The following PRKN variants were observed in gnomAD, a reference collection of about 807,000 sequenced individuals.
PRKN encodes the protein E3 ubiquitin-protein ligase parkin.
In PRKN, 56 loss-of-function variants were observed where a neutral mutation model predicts 59.5. That is an observed-to-expected ratio of 0.94 (90% CI 0.76 to 1.18). The LOEUF (loss-of-function observed/expected upper bound fraction) is 1.18. Among genes scored for constraint, PRKN ranks in the 50% most tolerant of loss-of-function variants. The pLI is 0.00. For synonymous variants in PRKN, 250 were observed against 222.1 expected (o/e 1.13, Z -1.12); for missense variants, 657 against 596.4 (o/e 1.10, Z -1.06).
intron 1 of PRKN, among the ~76,000 whole-genome samples, chr6:162,714,194 A>T (rs1012609736): frequency 5.3e-5 from 8 of 152,178 alleles, no homozygotes; most frequent in Non-Finnish European, 1.0e-4. Context: ...TGCTTACCGT[A>T]AACAGACGCA....
intron 1 of PRKN, among the ~76,000 whole-genome samples, chr6:162,579,306 A>ACT (rs1284599499): frequency 6.6e-6 from 1 of 151,714 alleles, no homozygotes; most frequent in Non-Finnish European, 1.5e-5. Context: ...CAGACCCAAT[A>ACT]CTCCTTCAAG....
intron 4 of PRKN, among the ~76,000 whole-genome samples, chr6:162,054,821 A>G (rs1777791228): frequency 6.6e-6 from 1 of 152,230 alleles, no homozygotes; most frequent in South Asian, 2.1e-4. Context: ...GCAAACCAGT[A>G]AAAAGCATCA....
At position 161,473,470 on chromosome 6, in the gene PRKN, C is replaced by A. The variant is rs923073610; in HGVS notation, c.1083+75384G>T. Reference sequence around the variant, plus strand: ...GGACATTATGCTAAGTGAACTGAGCCAGACACAGGAAAAAGTACTGCATGA... The same window carrying A: ...GGACATTATGCTAAGTGAACTGAGCAAGACACAGGAAAAAGTACTGCATGA... On this transcript the variant is annotated intron_variant, in intron 9 of 11. Coordinates refer to ENST00000366898, the MANE Select transcript of PRKN (RefSeq NM_004562.3). The surrounding 1 kb of genome is among the most constrained non-coding windows in gnomAD (Gnocchi z 4.1). Among the ~76,000 whole-genome samples the A allele has an allele frequency of 4.6e-4, 70 of 151,298 alleles. 1 individual carries two copies. The highest frequency in any genetic ancestry group is 4.4e-5 in the Non-Finnish European group (3 of 67,874).
chr6:161,693,429 G>C (rs1785886460), intron 7 of PRKN, among the ~76,000 whole-genome samples: 1 of 152,200 alleles, frequency 6.6e-6, no homozygotes, highest in African/African-American at 2.4e-5. Context: ...ACCAAGGAAT[G>C]AAAGTTGGCA....
chr6:162,294,706 G>C (rs1185255545), intron 2 of PRKN, among the ~76,000 whole-genome samples: 1 of 151,390 alleles, frequency 6.6e-6, no homozygotes, highest in Non-Finnish European at 1.5e-5. Flanking sequence ...TGCTGAAGAA[G>C]ATTAAGAAGA....
chr6:162,005,651 G>A (rs894701906), intron 5 of PRKN, among the ~76,000 whole-genome samples: 1 of 152,066 alleles, frequency 6.6e-6, no homozygotes, highest in Non-Finnish European at 1.5e-5. Flanking sequence ...TCGGGCTAGA[G>A]AGAAAAAAGC....
In PRKN at chr6:161,874,091, A is replaced by G. The variant is rs1258851380; in HGVS notation, c.735-88183T>C. Among the ~76,000 whole-genome samples, 45 of 58,550 alleles carry G rather than the reference A, an allele frequency of 7.7e-4. 8 individuals are homozygous for G. Among genetic ancestry groups the G allele is most frequent in the African/African-American group, 2.5e-3 (45 of 18,252 alleles). The allele number at this position is 58,550 out of a possible 152,430, so 38.4% of individuals were successfully genotyped here. On this transcript the variant is annotated intron_variant, in intron 6 of 11. Coordinates refer to ENST00000366898, the MANE Select transcript of PRKN (RefSeq NM_004562.3). Reference sequence around the variant, plus strand: ...ATATATATTATATGTAAAATATAATATATAATATATATTATATGTAAAATA... The same window carrying G: ...ATATATATTATATGTAAAATATAATGTATAATATATATTATATGTAAAATA...
At chr6:161,421,324 G>T (rs995474648) in intron 9 of PRKN, among the ~76,000 whole-genome samples, 3 of 152,160 alleles carry the variant, frequency 2.0e-5, no homozygotes, top group Admixed American at 2.0e-4. Context: ...GTCCTTTCTA[G>T]ACAATTAATG....
intron 7 of PRKN, among the ~76,000 whole-genome samples, chr6:161,751,475 C>T (rs886382196): frequency 1.3e-5 from 2 of 152,198 alleles, no homozygotes; most frequent in African/African-American, 2.4e-5. Context: ...TTTATGATTA[C>T]CTGTAAATTT....
intron 1 of PRKN, among the ~76,000 whole-genome samples, chr6:162,643,397 CAAAAAAAA>C (rs59995115): frequency 1.2e-5 from 1 of 82,492 alleles, no homozygotes; most frequent in African/African-American, 5.3e-5. Flanking sequence ...GACTCTGCCT[CAAAAAAAA>C]AAAAAAAAAA....
In PRKN at chr6:161,401,566, T is replaced by C. The variant is rs926355261; in HGVS notation, c.1084-14689A>G. The stretch of plus-strand genomic sequence containing the variant: ...AGGCGGAGGCTGCAGTGAGCCGAGA[T>C]TGTGCCACTGCACTCCATCTTGGGC... On this transcript the variant is annotated intron_variant, in intron 9 of 11. Transcript: ENST00000366898. The surrounding 1 kb of genome is among the most constrained non-coding windows in gnomAD (Gnocchi z 4.4). 6.6e-6 allele frequency among the ~76,000 whole-genome samples: 1 copy of C among 152,044 alleles called. No individual in the cohort carries two copies. Among genetic ancestry groups the C allele is most frequent in the Non-Finnish European group, 1.5e-5 (1 of 68,010 alleles).
At chr6:162,168,958 T>C (rs1783124632) in intron 4 of PRKN, among the ~76,000 whole-genome samples, 1 of 152,212 alleles carries the variant, frequency 6.6e-6, no homozygotes, top group Admixed American at 6.5e-5. Flanking sequence ...TACGTATTTC[T>C]GTTTTCTTGG....
At chr6:162,283,759 G>C (rs1401055413) in intron 2 of PRKN, among the ~76,000 whole-genome samples, 2 of 152,088 alleles carry the variant, frequency 1.3e-5, no homozygotes, top group African/African-American at 4.8e-5. Flanking sequence ...GACCTCAAGT[G>C]ATTCACCCAC....
At chr6:162,601,957 A>G (rs1198424097) in intron 1 of PRKN, among the ~76,000 whole-genome samples, 1 of 152,196 alleles carries the variant, frequency 6.6e-6, no homozygotes, top group Non-Finnish European at 1.5e-5. Flanking sequence ...TATTCAACAA[A>G]TATTTATCAA....
intron 7 of PRKN, among the ~76,000 whole-genome samples, chr6:161,681,242 C>T (rs2128172557): frequency 6.6e-6 from 1 of 152,196 alleles, no homozygotes; most frequent in Middle Eastern, 3.4e-3. Context: ...GATTACAGGC[C>T]TAAGCGACTG....
chr6:161,518,616 C>A lies in PRKN; in HGVS notation c.1083+30238G>T, dbSNP rs1778703582. ...GGTTCAATGTTAATGCCACGGCCTCCCCCTAGCAGCACAAGCCCAGCCTCC... is the reference window on the plus strand; with the variant it reads ...GGTTCAATGTTAATGCCACGGCCTCACCCTAGCAGCACAAGCCCAGCCTCC... On this transcript the variant is annotated intron_variant, in intron 9 of 11. Transcript: ENST00000366898. This position sits in a 1 kb window ranked among gnomAD's most constrained non-coding sequence, Gnocchi z 5.0. Among the ~76,000 whole-genome samples, 1 of 152,208 alleles carries A rather than the reference C, an allele frequency of 6.6e-6. No homozygotes were observed. Among genetic ancestry groups the A allele is most frequent in the South Asian group, 2.1e-4 (1 of 4,834 alleles).
Position 161,442,422 on chromosome 6 carries a change from T to A in PRKN, c.1084-55545A>T, listed in dbSNP as rs893365468. On this transcript the variant is annotated intron_variant, in intron 9 of 11. Coordinates refer to ENST00000366898, the MANE Select transcript of PRKN (RefSeq NM_004562.3). This position sits in a 1 kb window ranked among gnomAD's most constrained non-coding sequence, Gnocchi z 4.6. ...CTGTCCACAAACAGGTTTACTTTAG[T>A]GATCATAACAAATGGCTTTTATTCA... Among the ~76,000 whole-genome samples the A allele has an allele frequency of 6.6e-6, 1 of 152,240 alleles. No homozygotes were observed. The highest frequency in any genetic ancestry group is 2.4e-5 in the African/African-American group (1 of 41,474).
At chr6:162,172,845 AAATC>A (rs1783352381) in intron 4 of PRKN, among the ~76,000 whole-genome samples, 1 of 152,206 alleles carries the variant, frequency 6.6e-6, no homozygotes, top group African/African-American at 2.4e-5. Flanking sequence ...TATCTCCATG[AAATC>A]TAACCCATCA....
In PRKN at chr6:161,502,619, A is replaced by T. The variant is rs1259089474; in HGVS notation, c.1083+46235T>A. Among the ~76,000 whole-genome samples, 5 of 152,174 alleles carry T rather than the reference A, an allele frequency of 3.3e-5. No homozygotes were observed. The highest frequency in any genetic ancestry group is 9.7e-5 in the African/African-American group (4 of 41,426). On this transcript the variant is annotated intron_variant, in intron 9 of 11. Coordinates refer to ENST00000366898, the MANE Select transcript of PRKN (RefSeq NM_004562.3). The surrounding 1 kb of genome is among the most constrained non-coding windows in gnomAD (Gnocchi z 4.0). ...AGTATCCTGAAGGAGGGGACCAGTAACAAGCAGGGAAGAGAGAAATGGGGG... is the reference window on the plus strand; with the variant it reads ...AGTATCCTGAAGGAGGGGACCAGTATCAAGCAGGGAAGAGAGAAATGGGGG...
Sources: allele counts gnomAD v4.1 joint callset (sites outside exome capture counted in the v4.1 genomes callset), GRCh38; gene constraint gnomAD v4.1.1; non-coding constraint Gnocchi (gnomAD v3.1); transcripts MANE v1.5; gene names NCBI Gene and HGNC (gene_info 2026-07-23, HGNC 2026-07-21).